The following VSNL1 variants were observed in gnomAD, a reference collection of about 807,000 sequenced individuals.
The protein encoded by VSNL1 is visinin-like protein 1.
VSNL1 carries 6 observed loss-of-function variants against 20.4 expected under a neutral mutation model. That is an observed-to-expected ratio of 0.29 (90% CI 0.16 to 0.58). VSNL1 has a LOEUF of 0.58. Among genes scored for constraint, VSNL1 ranks in the 20% least tolerant of loss-of-function variants. The pLI is 0.90. For missense variants in VSNL1, 100 were observed against 234.5 expected (o/e 0.43, Z 3.75); for synonymous variants, 93 against 86.4 (o/e 1.08, Z -0.42).
intron 1 of VSNL1, among the ~76,000 whole-genome samples, chr2:17,558,594 A>G (rs574199681): frequency 6.6e-6 from 1 of 152,356 alleles, no homozygotes; most frequent in East Asian, 1.9e-4. Flanking sequence ...CCACAGTCAC[A>G]TAGCCAAAAA....
At chr2:17,616,258 G>A (rs751036496) in intron 2 of VSNL1, among the ~76,000 whole-genome samples, 1 of 152,236 alleles carries the variant, frequency 6.6e-6, no homozygotes, top group Admixed American at 6.5e-5. Context: ...CAGGAACAAG[G>A]CACTCACATA....
intron 1 of VSNL1, among the ~76,000 whole-genome samples, chr2:17,583,345 A>G (rs1664395211): frequency 6.6e-6 from 1 of 152,244 alleles, no homozygotes; most frequent in South Asian, 2.1e-4. Flanking sequence ...GATAAGGGCC[A>G]CAGTCCCTCC....
At chr2:17,653,831 T>C (rs949131939) in intron 3 of VSNL1, among the ~76,000 whole-genome samples, 1 of 152,206 alleles carries the variant, frequency 6.6e-6, no homozygotes, top group Non-Finnish European at 1.5e-5. Flanking sequence ...ATCACCATAA[T>C]GTAAATTTAA....
In VSNL1 at chr2:17,587,997, T is replaced by G. The variant is rs967733118; in HGVS notation, c.-5-4073T>G. Among the ~76,000 whole-genome samples the G allele has an allele frequency of 4.6e-5, 7 of 152,190 alleles. No individual in the cohort carries two copies. The South Asian group carries it at 6.2e-4, about 14-fold the overall frequency. ...CTTTCCTCCACAAGGGCTCTATCAT[T>G]TGAAGTTCTCTTGTCCATCAAAGCC... On this transcript the variant is annotated intron_variant, in intron 1 of 3. Coordinates refer to ENST00000295156, the MANE Select transcript of VSNL1 (RefSeq NM_003385.5).
chr2:17,639,368 C>T (rs953972006), intron 2 of VSNL1, among the ~76,000 whole-genome samples: 1 of 152,180 alleles, frequency 6.6e-6, no homozygotes, highest in South Asian at 2.1e-4. Context: ...TGGGTTTGCA[C>T]TGCTCATTAA....
chr2:17,623,177 AT>A (rs1405072642), intron 2 of VSNL1, among the ~76,000 whole-genome samples: 1 of 152,222 alleles, frequency 6.6e-6, no homozygotes, highest in Non-Finnish European at 1.5e-5. Flanking sequence ...CTTAAAAAAA[AT>A]TGAATAGATG....
At chr2:17,636,601 CTT>C (rs774806703) in intron 2 of VSNL1, among the ~76,000 whole-genome samples, 1 of 152,156 alleles carries the variant, frequency 6.6e-6, no homozygotes, top group Non-Finnish European at 1.5e-5. Context: ...GCTTCAAAGA[CTT>C]AGTCCAAAAA....
chr2:17,596,774 T>G (rs918367892), intron 2 of VSNL1, among the ~76,000 whole-genome samples: 4 of 152,176 alleles, frequency 2.6e-5, no homozygotes, highest in Admixed American at 2.6e-4. Context: ...CTGACAGATG[T>G]GAGAGTCATT....
intron 2 of VSNL1, among the ~76,000 whole-genome samples, chr2:17,610,931 G>A (rs1665069812): frequency 6.6e-6 from 1 of 152,092 alleles, no homozygotes; most frequent in Non-Finnish European, 1.5e-5. Flanking sequence ...AAGCAGTTGT[G>A]GCATTTTCTG....
At chr2:17,587,494 C>T (rs1323139306) in intron 1 of VSNL1, among the ~76,000 whole-genome samples, 5 of 152,134 alleles carry the variant, frequency 3.3e-5, no homozygotes, top group Non-Finnish European at 7.3e-5. Context: ...TCCACATCCA[C>T]GAAGTTCTCC....
rs2710678 is a variant in VSNL1 at position 17,628,367 on chromosome 2, G to A, written c.163-21043G>A. Among the ~76,000 whole-genome samples the A allele has an allele frequency of 4.3e-3, 647 of 151,624 alleles. 4 individuals carry two copies. The highest frequency in any genetic ancestry group is 7.8e-3 in the Non-Finnish European group (530 of 67,860). The stretch of plus-strand genomic sequence containing the variant: ...TGTCTGATATATAGTGTAGGGAGGA[G>A]GGAGTGCATGATAAAAGCTCAGGAC... On this transcript the variant is annotated intron_variant, in intron 2 of 3. Transcript: ENST00000295156.
At chr2:17,638,459 C>A (rs1665807362) in intron 2 of VSNL1, among the ~76,000 whole-genome samples, 1 of 152,170 alleles carries the variant, frequency 6.6e-6, no homozygotes, top group Admixed American at 6.5e-5. Context: ...GGAGCCAACT[C>A]CCTCGTTGCA....
chr2:17,643,665 A>G (rs1665930991), intron 2 of VSNL1, among the ~76,000 whole-genome samples: 1 of 152,212 alleles, frequency 6.6e-6, no homozygotes, highest in African/African-American at 2.4e-5. Context: ...AAGGGCACGA[A>G]TCCACAATCC....
chr2:17,569,073 C>T (rs777574116), intron 1 of VSNL1, among the ~76,000 whole-genome samples: 6 of 152,004 alleles, frequency 3.9e-5, no homozygotes, highest in Non-Finnish European at 5.9e-5. Flanking sequence ...TTTGGGAGGC[C>T]GAAATGGGCA....
intron 3 of VSNL1, among the ~76,000 whole-genome samples, chr2:17,651,200 A>T (rs1179864231): frequency 2.0e-5 from 3 of 152,160 alleles, no homozygotes; most frequent in Non-Finnish European, 2.9e-5. Context: ...ATCCTTGTCA[A>T]TGCCCTTCAG....
At position 17,635,303 on chromosome 2, in the gene VSNL1, C is replaced by G. The variant is rs578034019; in HGVS notation, c.163-14107C>G. Among the ~76,000 whole-genome samples the G allele has an allele frequency of 8.5e-5, 13 of 152,302 alleles. No individual in the cohort carries two copies. In the South Asian group the frequency reaches 2.7e-3, roughly 32 times the overall value. On this transcript the variant is annotated intron_variant, in intron 2 of 3. Coordinates refer to ENST00000295156, the MANE Select transcript of VSNL1 (RefSeq NM_003385.5). The stretch of plus-strand genomic sequence containing the variant: ...GGTGCTCCAGAAAATAGAATCCTGA[C>G]AGCAAGCTGTGGGCGGTGGGGAATC...
At chr2:17,567,339 CTCA>C (rs1663971747) in intron 1 of VSNL1, 1 of 139,254 alleles carries the variant, frequency 7.2e-6, no homozygotes, top group Admixed American at 7.5e-5. Flanking sequence ...TAAAGAGAGT[CTCA>C]TAGAGTCTCA....
At chr2:17,550,788 G>C (rs1321864996) in intron 1 of VSNL1, among the ~76,000 whole-genome samples, 1 of 152,182 alleles carries the variant, frequency 6.6e-6, no homozygotes, top group Non-Finnish European at 1.5e-5. Context: ...AAATCACTTT[G>C]CAAGAGCTGT....
intron 1 of VSNL1, among the ~76,000 whole-genome samples, chr2:17,591,209 C>T (rs867408003): frequency 3.9e-5 from 6 of 152,054 alleles, no homozygotes; most frequent in African/African-American, 1.4e-4. Context: ...AGTTAATTAA[C>T]GTTGCCCTAA....
Sources: allele counts gnomAD v4.1 joint callset (sites outside exome capture counted in the v4.1 genomes callset), GRCh38; gene constraint gnomAD v4.1.1; transcripts MANE v1.5; gene names NCBI Gene and HGNC (gene_info 2026-07-23, HGNC 2026-07-21).